EPHA1: variants seen among roughly 807,000 people sequenced by gnomAD.
EPHA1 encodes ephrin type-A receptor 1.
Under a neutral mutation model 110.1 loss-of-function variants are expected in EPHA1, and 92 were observed. The observed-to-expected ratio is 0.84, with a 90% CI of 0.71 to 0.99. EPHA1 has a LOEUF of 0.99. Ranked by LOEUF, EPHA1 falls within the 50% of genes least tolerant of loss-of-function variation. EPHA1 has a pLI of 0.00. For synonymous variants in EPHA1, 500 were observed against 516.1 expected (o/e 0.97, Z 0.42); for missense variants, 1,204 against 1,285.4 (o/e 0.94, Z 0.97).
In EPHA1 at chr7:143,395,229, C is replaced by T. The variant is rs763282033; in HGVS notation, c.2084-47G>A. ...CACACTCAGAACCGGGCTTCCTGCC[C>T]TTGGCCACACATCCTCCCTCCACTT... On this transcript the variant is annotated intron_variant, in intron 12 of 17. Transcript: ENST00000275815. The surrounding 1 kb of genome is among the most constrained non-coding windows in gnomAD (Gnocchi z 4.7). 3 of 1,613,038 alleles carry T rather than the reference C, an allele frequency of 1.9e-6. No individual in the cohort carries two copies. Among genetic ancestry groups the T allele is most frequent in the Middle Eastern group, 1.6e-4 (1 of 6,084 alleles).
chr7:143,406,718 G>T (rs1487981068), intron 2 of EPHA1, among the ~76,000 whole-genome samples: 1 of 152,198 alleles, frequency 6.6e-6, no homozygotes, highest in Non-Finnish European at 1.5e-5. Context: ...ACTGTCCACT[G>T]AAGAATCTGC....
intron 3 of EPHA1, among the ~76,000 whole-genome samples, 183 bp from the exon 4 acceptor site, chr7:143,400,236 G>A (rs550889646): frequency 6.6e-6 from 1 of 152,284 alleles, no homozygotes; most frequent in Non-Finnish European, 1.5e-5. Flanking sequence ...CCTCTTATGA[G>A]GTAGGATGGC....
chr7:143,400,276 C>T (rs954153199), intron 3 of EPHA1, among the ~76,000 whole-genome samples: 5 of 152,118 alleles, frequency 3.3e-5, no homozygotes, highest in Non-Finnish European at 7.4e-5. Context: ...GATGAGGAAA[C>T]CAAGGCTAAT....
At chr7:143,407,861 A>C in intron 1 of EPHA1, 183 bp from the exon 2 acceptor site, 1 of 467,072 alleles carries the variant, frequency 2.1e-6, no homozygotes. Flanking sequence ...CAGGGATTTC[A>C]CTCTTCTTTG....
At chr7:143,392,547 C>T (rs142145662) in intron 16 of EPHA1, among the ~76,000 whole-genome samples, 12 of 152,016 alleles carry the variant, frequency 7.9e-5, no homozygotes, top group Admixed American at 3.9e-4. Context: ...CCAACCTGAG[C>T]GCTCCCCCAC....
chr7:143,394,339 C>G lies in EPHA1; in HGVS notation c.2357G>C (p.Gly786Ala), dbSNP rs1490332858. The change falls in exon 15 of 18, where the codon GGA becomes GCA. Residue 786 changes from glycine to alanine, a missense_variant. By Grantham distance (60) the Gly-to-Ala change is moderately conservative. Coordinates refer to ENST00000275815, the MANE Select transcript of EPHA1 (RefSeq NM_005232.5). ...DFDGTYETQG[G>A]KIPIRWTAPE... is the part of the protein sequence containing the mutation. Reference sequence around the variant, plus strand: ...GGCTGTCCAACGGATAGGGATCTTTCCTCCCTAAGAAGGCACATGGGTCAG... The same window carrying G: ...GGCTGTCCAACGGATAGGGATCTTTGCTCCCTAAGAAGGCACATGGGTCAG... The G allele has an allele frequency of 1.2e-6, 2 of 1,613,734 alleles. No individual in the cohort carries two copies. The highest frequency in any genetic ancestry group is 1.7e-5 in the Admixed American group (1 of 59,984).
chr7:143,401,539 C>T lies in EPHA1; in HGVS notation c.217G>A (p.Gly73Arg), dbSNP rs373319975. ...LYMYQDCPMQGRRDTDHWLRS... is the reference protein window; with the variant it reads ...LYMYQDCPMQRRRDTDHWLRS... ...AGCCAGTGGTCAGTGTCTCTGCGTC[C>T]TTGCATTGGGCAGTCCTGGTACATG... The change falls in exon 3 of 18, where the codon GGA becomes AGA. Residue 73 changes from glycine to arginine, a missense_variant. Coordinates refer to ENST00000275815, the MANE Select transcript of EPHA1 (RefSeq NM_005232.5). This position sits in a 1 kb window ranked among gnomAD's most constrained non-coding sequence, Gnocchi z 4.1. 1.4e-5 allele frequency: 23 copies of T among 1,614,144 alleles called. No individual in the cohort carries two copies. The highest frequency in any genetic ancestry group is 1.9e-5 in the Non-Finnish European group (23 of 1,180,036).
rs774757061 is a variant in EPHA1 at position 143,395,351 on chromosome 7, T to C, written c.2051A>G (p.His684Arg). ...ATIMGQFSHP[H>R]ILHLEGVVTK... Reference sequence around the variant, plus strand: ...GACGACGCCTTCCAGATGCAGAATATGCGGGTGGCTAAACTGGCCCATGAT... The same window carrying C: ...GACGACGCCTTCCAGATGCAGAATACGCGGGTGGCTAAACTGGCCCATGAT... Residue 684 changes from histidine to arginine, a missense_variant, in exon 12 of 18, where the codon CAT becomes CGT. By Grantham distance (29) the His-to-Arg change is conservative. Transcript: ENST00000275815. The surrounding 1 kb of genome is among the most constrained non-coding windows in gnomAD (Gnocchi z 4.7). 1.2e-6 allele frequency: 2 copies of C among 1,614,190 alleles called. No homozygotes were observed. The highest frequency in any genetic ancestry group is 1.3e-5 in the African/African-American group (1 of 75,038).
intron 1 of EPHA1, 44 bp downstream of exon 1, chr7:143,408,680 G>A (rs1805627323): frequency 2.2e-6 from 1 of 449,990 alleles, no homozygotes; most frequent in Non-Finnish European, 3.6e-6. Context: ...CCCCGGGAAG[G>A]GGCGGGGCGC....
Position 143,395,593 on chromosome 7 carries a change from T to C in EPHA1, c.1898-89A>G. On this transcript the variant is annotated intron_variant, in intron 11 of 17. Transcript: ENST00000275815. The surrounding 1 kb of genome is among the most constrained non-coding windows in gnomAD (Gnocchi z 4.7). Reference sequence around the variant, plus strand: ...CAACCCCTCCAGTCCTCCGGCCCTTTTCTTTTCTGGAGAATCAGAAGCGTG... The same window carrying C: ...CAACCCCTCCAGTCCTCCGGCCCTTCTCTTTTCTGGAGAATCAGAAGCGTG... 1 of 1,386,320 alleles carries C rather than the reference T, an allele frequency of 7.2e-7. No individual in the cohort carries two copies. Among genetic ancestry groups the C allele is most frequent in the Non-Finnish European group, 9.8e-7 (1 of 1,017,396 alleles). The allele number at this position is 1,386,320 out of a possible 1,614,324, so 85.9% of individuals were successfully genotyped here.
At position 143,393,873 on chromosome 7, in the gene EPHA1, C is replaced by T. The variant is rs371044280; in HGVS notation, c.2503-9G>A. 9.8e-6 allele frequency: 15 copies of T among 1,537,424 alleles called. No individual in the cohort carries two copies. Among genetic ancestry groups the T allele is most frequent in the African/African-American group, 4.1e-5 (3 of 72,680 alleles). ...TCAATGCTCTTCATAACCTGCACGGCGGGACAGGAGGATGCTCTAGAGTAG... is the reference window on the plus strand; with the variant it reads ...TCAATGCTCTTCATAACCTGCACGGTGGGACAGGAGGATGCTCTAGAGTAG... On this transcript the variant is annotated splice_polypyrimidine_tract_variant and intron_variant, in intron 15 of 17. Coordinates refer to ENST00000275815, the MANE Select transcript of EPHA1 (RefSeq NM_005232.5). The surrounding 1 kb of genome is among the most constrained non-coding windows in gnomAD (Gnocchi z 5.6).
rs757525164 is a variant in EPHA1 at position 143,401,295 on chromosome 7, G to A, written c.432+29C>T. The A allele has an allele frequency of 5.0e-6, 8 of 1,607,968 alleles. No individual in the cohort carries two copies. The South Asian group carries it at 8.8e-5, about 18-fold the overall frequency. On this transcript the variant is annotated intron_variant, in intron 3 of 17. Coordinates refer to ENST00000275815, the MANE Select transcript of EPHA1 (RefSeq NM_005232.5). This position sits in a 1 kb window ranked among gnomAD's most constrained non-coding sequence, Gnocchi z 4.1. ...AGGAGCCACCAGGGATCTGCACCAGGACCCAGATGGCATGGAGGGAAGCAG... is the reference window on the plus strand; with the variant it reads ...AGGAGCCACCAGGGATCTGCACCAGAACCCAGATGGCATGGAGGGAAGCAG...
At position 143,397,956 on chromosome 7, in the gene EPHA1, A is replaced by G; in HGVS notation, c.1579T>C (p.Phe527Leu). The change falls in exon 8 of 18, where the codon TTC (phenylalanine) becomes CTC (leucine). Residue 527 changes from phenylalanine to leucine, a missense_variant. Transcript: ENST00000275815. ...RMLTPLGPGP[F>L]SPDHEFRTSP... ...GTCCGAAACTCATGATCAGGGGAGA[A>G]AGGGCCAGGACCCAGTGGGGTCAGC... The G allele has an allele frequency of 2.5e-6, 4 of 1,614,110 alleles. No individual in the cohort carries two copies. Among genetic ancestry groups the G allele is most frequent in the South Asian group, 1.1e-5 (1 of 91,080 alleles).
Position 143,408,738 on chromosome 7 carries a change from G to C in EPHA1, c.68C>G (p.Ala23Gly). The change falls in exon 1 of 18, where the codon GCG becomes GGG. Residue 23 changes from alanine to glycine, a missense_variant. Physicochemically the swap from Ala to Gly is moderately conservative, Grantham distance 60. Coordinates refer to ENST00000275815, the MANE Select transcript of EPHA1 (RefSeq NM_005232.5). ...LLLCAPLPPG[A>G]RAKEVTLMDT... ...GGGGTCGGTACCTTCCTTGGCGCGC[G>C]CCCCCGGGGGCAGCGGGGCGCAGAG... 1.0e-6 allele frequency: 1 copy of C among 982,080 alleles called. No individual in the cohort carries two copies. The highest frequency in any genetic ancestry group is 1.3e-6 in the Non-Finnish European group (1 of 762,496). The allele number at this position is 982,080 out of a possible 1,614,324, so 60.8% of individuals were successfully genotyped here.
intron 2 of EPHA1, among the ~76,000 whole-genome samples, chr7:143,405,290 C>T (rs1174675980): frequency 6.6e-6 from 1 of 152,150 alleles, no homozygotes; most frequent in Non-Finnish European, 1.5e-5. Flanking sequence ...CCAGCTGTGC[C>T]TTGCCTCTCC....
chr7:143,403,828 A>G (rs898110114), intron 2 of EPHA1, among the ~76,000 whole-genome samples: 6 of 152,186 alleles, frequency 3.9e-5, no homozygotes, highest in Admixed American at 6.5e-5. Flanking sequence ...TTCATTGACT[A>G]TTTGTATGTT....
At position 143,393,400 on chromosome 7, in the gene EPHA1, G is replaced by C. The variant is rs1805143712; in HGVS notation, c.2696+271C>G. 1.3e-5 allele frequency among the ~76,000 whole-genome samples: 2 copies of C among 152,166 alleles called. No homozygotes were observed. Among genetic ancestry groups the C allele is most frequent in the African/African-American group, 4.8e-5 (2 of 41,420 alleles). ...AAGGATGGCTCCGGGAGTGTCTTAG[G>C]TGAGGCTGCCTGAGAAGAGAAAAGA... On this transcript the variant is annotated intron_variant, in intron 16 of 17. Transcript: ENST00000275815. This position sits in a 1 kb window ranked among gnomAD's most constrained non-coding sequence, Gnocchi z 5.6.
rs149206012 is a variant in EPHA1, at chr7:143,405,932, T to C, written c.150+1679A>G. Among the ~76,000 whole-genome samples, 263 of 152,194 alleles carry C rather than the reference T, an allele frequency of 1.7e-3. 2 individuals carry two copies. Among genetic ancestry groups the C allele is most frequent in the African/African-American group, 6.0e-3 (248 of 41,500 alleles). ...AGGAAGGAAACCCTGAGAGAAGGGGTTCCAGAGCCAGAGTTGTAGATGCTC... is the reference window on the plus strand; with the variant it reads ...AGGAAGGAAACCCTGAGAGAAGGGGCTCCAGAGCCAGAGTTGTAGATGCTC... On this transcript the variant is annotated intron_variant, in intron 2 of 17. Coordinates refer to ENST00000275815, the MANE Select transcript of EPHA1 (RefSeq NM_005232.5).
chr7:143,403,407 T>TA (rs1449089562), intron 2 of EPHA1, among the ~76,000 whole-genome samples: 1 of 138,716 alleles, frequency 7.2e-6, no homozygotes, highest in Non-Finnish European at 1.6e-5. Flanking sequence ...AAAGTGTATA[T>TA]AGAGCTTTCT....
Sources: gnomAD v4.1 joint callset for allele counts (sites outside exome capture counted in the v4.1 genomes callset) on GRCh38, gnomAD v4.1.1 for gene constraint, Gnocchi (gnomAD v3.1) non-coding constraint, MANE v1.5 for transcripts, NCBI Gene and HGNC (gene_info 2026-07-23, HGNC 2026-07-21) for gene names.